AGBL4: variants seen among roughly 807,000 people sequenced by gnomAD.
AGBL4 encodes AGBL carboxypeptidase 4.
Under a neutral mutation model 66.4 loss-of-function variants are expected in AGBL4, and 58 were observed. That is an observed-to-expected ratio of 0.87 (90% confidence interval 0.71 to 1.09). AGBL4 has a LOEUF of 1.09. AGBL4 is among the 50% of genes least tolerant of loss of function. The pLI is 0.00. For missense variants in AGBL4, 579 were observed against 631.0 expected (o/e 0.92, Z 0.88); for synonymous variants, 234 against 222.9 (o/e 1.05, Z -0.44).
At chr1:49,704,452 C>A (rs771606609) in intron 2 of AGBL4, among the ~76,000 whole-genome samples, 1 of 151,958 alleles carries the variant, frequency 6.6e-6, no homozygotes, top group African/African-American at 2.4e-5. Flanking sequence ...AAAATTACCT[C>A]AAAATGGATC....
rs1019837117 is a variant in AGBL4, at chr1:48,618,196, T to G, written c.951+16297A>C. On this transcript the variant is annotated intron_variant, in intron 9 of 13. Coordinates refer to ENST00000371839, the MANE Select transcript of AGBL4 (RefSeq NM_032785.4). ...CCAGCCCAGGCAAGATAGTGGGACCTTGTCTCTTAAAACAAAACGAAACAA... is the reference window on the plus strand; with the variant it reads ...CCAGCCCAGGCAAGATAGTGGGACCGTGTCTCTTAAAACAAAACGAAACAA... 2.2e-4 allele frequency among the ~76,000 whole-genome samples: 33 copies of G among 152,280 alleles called. 1 individual carries two copies. Among genetic ancestry groups the G allele is most frequent in the African/African-American group, 7.9e-4 (33 of 41,538 alleles).
At chr1:48,558,762 G>C (rs1644357259) in intron 11 of AGBL4, among the ~76,000 whole-genome samples, 1 of 152,182 alleles carries the variant, frequency 6.6e-6, no homozygotes, top group African/African-American at 2.4e-5. Context: ...CTTAGATCCA[G>C]TAATGCCTAA....
chr1:48,780,027 A>ATAT (rs952758097), intron 6 of AGBL4, among the ~76,000 whole-genome samples: 1 of 151,186 alleles, frequency 6.6e-6, no homozygotes, highest in Non-Finnish European at 1.5e-5. Context: ...ATTATTATTA[A>ATAT]TATTATTATT....
chr1:49,249,326 T>C (rs1320587624), intron 3 of AGBL4, among the ~76,000 whole-genome samples: 2 of 151,888 alleles, frequency 1.3e-5, no homozygotes, highest in African/African-American at 4.8e-5. Context: ...AGACTATCCA[T>C]CCTACAAGGG....
chr1:49,404,789 T>G (rs1186344709), intron 3 of AGBL4, among the ~76,000 whole-genome samples: 1 of 152,170 alleles, frequency 6.6e-6, no homozygotes, highest in African/African-American at 2.4e-5. Flanking sequence ...CAAATCTAAT[T>G]AACAAGAATT....
chr1:48,775,059 T>C (rs769470389), intron 6 of AGBL4, among the ~76,000 whole-genome samples: 2 of 152,220 alleles, frequency 1.3e-5, no homozygotes, highest in African/African-American at 2.4e-5. Context: ...TTCCTAATCC[T>C]TTCCCTCAGG....
chr1:49,028,472 C>T (rs1301907881), intron 5 of AGBL4, among the ~76,000 whole-genome samples: 4 of 152,170 alleles, frequency 2.6e-5, no homozygotes, highest in African/African-American at 9.7e-5. Flanking sequence ...AATAAGTTCA[C>T]CAAACTTGAA....
Position 49,486,726 on chromosome 1 carries a change from A to G in AGBL4, c.282+210587T>C, listed in dbSNP as rs374820553. Among the ~76,000 whole-genome samples, 243 of 152,186 alleles carry G rather than the reference A, an allele frequency of 1.6e-3. 2 individuals are homozygous for G. The highest frequency in any genetic ancestry group is 4.9e-3 in the African/African-American group (204 of 41,554). ...CTCTAGAAAAACGTCGGCGTAAGTAATCATTCCTCACATGATGCAAACAAG... is the reference window on the plus strand; with the variant it reads ...CTCTAGAAAAACGTCGGCGTAAGTAGTCATTCCTCACATGATGCAAACAAG... On this transcript the variant is annotated intron_variant, in intron 3 of 13. Coordinates refer to ENST00000371839, the MANE Select transcript of AGBL4 (RefSeq NM_032785.4).
intron 4 of AGBL4, among the ~76,000 whole-genome samples, chr1:49,056,308 A>T (rs992417253): frequency 6.6e-6 from 1 of 152,148 alleles, no homozygotes; most frequent in African/African-American, 2.4e-5. Context: ...AATGGGAAAG[A>T]GCGATAAACA....
Position 48,665,742 on chromosome 1 carries a change from G to T in AGBL4, c.635-2501C>A, listed in dbSNP as rs187807285. ...ATCTTATTGTGATGGAAACTGAGCC[G>T]CTGTCTTAGTATTTATATTGCTTTT... On this transcript the variant is annotated intron_variant, in intron 6 of 13. Coordinates refer to ENST00000371839, the MANE Select transcript of AGBL4 (RefSeq NM_032785.4). Among the ~76,000 whole-genome samples the T allele has an allele frequency of 2.2e-4, 33 of 151,252 alleles. No individual in the cohort carries two copies. The East Asian group carries it at 5.2e-3, about 24-fold the overall frequency.
intron 4 of AGBL4, among the ~76,000 whole-genome samples, chr1:49,061,525 G>A (rs1190304269): frequency 6.6e-6 from 1 of 152,122 alleles, no homozygotes; most frequent in Non-Finnish European, 1.5e-5. Flanking sequence ...ATATGGCACA[G>A]CCCTGGGAAT....
At chr1:49,542,332 T>C (rs942611398) in intron 3 of AGBL4, among the ~76,000 whole-genome samples, 1 of 152,200 alleles carries the variant, frequency 6.6e-6, no homozygotes, top group African/African-American at 2.4e-5. Context: ...GGGTCTGCAC[T>C]GCCTTTATGA....
intron 3 of AGBL4, among the ~76,000 whole-genome samples, chr1:49,288,303 A>G (rs559539400): frequency 6.6e-6 from 1 of 151,064 alleles, no homozygotes; most frequent in Non-Finnish European, 1.5e-5. Context: ...AGCATGGCAC[A>G]TGTATACATA....
chr1:49,304,335 G>GC (rs1375293687), intron 3 of AGBL4, among the ~76,000 whole-genome samples: 1 of 152,072 alleles, frequency 6.6e-6, no homozygotes, highest in Non-Finnish European at 1.5e-5. Context: ...TATGACACAT[G>GC]CACTTTTTTA....
At chr1:49,152,713 C>G (rs1458085817) in intron 4 of AGBL4, among the ~76,000 whole-genome samples, 1 of 152,062 alleles carries the variant, frequency 6.6e-6, no homozygotes, top group Non-Finnish European at 1.5e-5. Context: ...CATACCTGTC[C>G]CCTATTTCAA....
At chr1:48,914,283 G>A (rs1319284285) in intron 5 of AGBL4, among the ~76,000 whole-genome samples, 3 of 152,146 alleles carry the variant, frequency 2.0e-5, no homozygotes, top group Non-Finnish European at 2.9e-5. Flanking sequence ...GTAGCCTATG[G>A]AAAATAGTGT....
At chr1:48,852,986 C>T (rs137924178) in intron 6 of AGBL4, among the ~76,000 whole-genome samples, 14 of 152,258 alleles carry the variant, frequency 9.2e-5, no homozygotes, top group African/African-American at 1.4e-4. Context: ...CTAGTTTCCT[C>T]CCAGGTGAAT....
intron 3 of AGBL4, among the ~76,000 whole-genome samples, chr1:49,603,382 AGGTGT>A (rs1276206365): frequency 6.6e-6 from 1 of 152,048 alleles, no homozygotes; most frequent in African/African-American, 2.4e-5. Context: ...GTTATTAGCC[AGGTGT>A]GGTGGTGGGC....
At chr1:49,445,074 G>A (rs919913105) in intron 3 of AGBL4, among the ~76,000 whole-genome samples, 5 of 151,100 alleles carry the variant, frequency 3.3e-5, no homozygotes, top group Non-Finnish European at 7.4e-5. Context: ...TTCATCATTT[G>A]CTTGTCTGAG....
Sources: gnomAD v4.1 joint callset for allele counts (sites outside exome capture counted in the v4.1 genomes callset) on GRCh38, gnomAD v4.1.1 for gene constraint, MANE v1.5 for transcripts, NCBI Gene and HGNC (gene_info 2026-07-23, HGNC 2026-07-21) for gene names.